Variants in VPS13B observed in about 807,000 individuals in gnomAD.
The protein encoded by VPS13B is vacuolar protein sorting 13 homolog B, also known as intermembrane lipid transfer protein VPS13B.
VPS13B carries 285 observed loss-of-function variants against 426.4 expected under a neutral mutation model. That is an observed-to-expected ratio of 0.67 (90% confidence interval 0.61 to 0.74). The LOEUF (loss-of-function observed/expected upper bound fraction) is 0.74, where lower values mean the gene tolerates loss of function less well. Ranked by LOEUF, VPS13B falls within the 30% of genes least tolerant of loss-of-function variation. The pLI, the probability that VPS13B is intolerant of heterozygous loss-of-function variation, is 0.00. For synonymous variants in VPS13B, 1,676 were observed against 1,676.4 expected (o/e 1.00, Z 0.01); for missense variants, 4,537 against 4,782.6 (o/e 0.95, Z 1.51).
intron 40 of VPS13B, among the ~76,000 whole-genome samples, chr8:99,775,687 C>T (rs1194551159): frequency 1.3e-5 from 2 of 152,090 alleles, no homozygotes; most frequent in Non-Finnish European, 2.9e-5. Flanking sequence ...CACTTGGGGT[C>T]AGGAGTTCAA....
rs182856616 is a variant in VPS13B at position 99,742,073 on chromosome 8, A to G, written c.7050+21026A>G. 5.6e-3 allele frequency among the ~76,000 whole-genome samples: 858 copies of G among 152,318 alleles called. 9 individuals are homozygous for G. Among genetic ancestry groups the G allele is most frequent in the African/African-American group, 0.017 (718 of 41,560 alleles). ...AAACGATCAACAAAATTGATAGACCACTAGCAAGACTAATAAAGAAGAAAA... is the reference window on the plus strand; with the variant it reads ...AAACGATCAACAAAATTGATAGACCGCTAGCAAGACTAATAAAGAAGAAAA... On this transcript the variant is annotated intron_variant, in intron 39 of 61. Transcript: ENST00000357162.
intron 21 of VPS13B, among the ~76,000 whole-genome samples, chr8:99,404,259 G>A (rs1815209591): frequency 6.6e-6 from 1 of 152,178 alleles, no homozygotes; most frequent in African/African-American, 2.4e-5. Flanking sequence ...ATAAGTGTAA[G>A]TTATTCTAGT....
chr8:99,763,135 C>CAAAAAAAAAAA lies in VPS13B; in HGVS notation c.7051-3619_7051-3609dup, dbSNP rs750289763. Among the ~76,000 whole-genome samples the CAAAAAAAAAAA allele has an allele frequency of 3.9e-4, 14 of 35,834 alleles. 1 individual carries two copies. Among genetic ancestry groups the CAAAAAAAAAAA allele is most frequent in the African/African-American group, 1.8e-3 (13 of 7,152 alleles). 23.5% of individuals were successfully genotyped at this position (35,834 alleles called of 152,430 possible). ...TGGGCAACAGAGTGAGACCTTGTCT[C>CAAAAAAAAAAA]AAAAAAAAAAAAAAAAAAAAAAAAA... On this transcript the variant is annotated intron_variant, in intron 39 of 61. Transcript: ENST00000357162.
chr8:99,302,933 G>A (rs1382591951), intron 19 of VPS13B, among the ~76,000 whole-genome samples: 2 of 152,144 alleles, frequency 1.3e-5, no homozygotes, highest in African/African-American at 2.4e-5. Context: ...ACCAACCTAA[G>A]TTGGGGACCA....
chr8:99,489,607 G>A (rs575931373), intron 25 of VPS13B, among the ~76,000 whole-genome samples: 3 of 152,220 alleles, frequency 2.0e-5, no homozygotes, highest in Admixed American at 6.5e-5. Flanking sequence ...TCTCATTGAA[G>A]AGGTCCTTCC....
chr8:99,315,791 C>A (rs1014711402), intron 19 of VPS13B, among the ~76,000 whole-genome samples: 4 of 152,090 alleles, frequency 2.6e-5, no homozygotes, highest in Admixed American at 2.6e-4. Flanking sequence ...CGCCTGCCAC[C>A]GCGCCCGGTT....
chr8:99,365,556 G>A (rs548164999), intron 19 of VPS13B, among the ~76,000 whole-genome samples: 4 of 122,280 alleles, frequency 3.3e-5, no homozygotes, highest in East Asian at 2.3e-4. Flanking sequence ...TCGCTCTGTC[G>A]CCCAGGCTGG....
chr8:99,158,478 A>C (rs1253593057), intron 15 of VPS13B, among the ~76,000 whole-genome samples: 1 of 152,188 alleles, frequency 6.6e-6, no homozygotes, highest in East Asian at 1.9e-4. Context: ...GGTTGCAATG[A>C]GCCAAGATCA....
chr8:99,466,063 C>A (rs1246677294), intron 23 of VPS13B, among the ~76,000 whole-genome samples: 2 of 151,990 alleles, frequency 1.3e-5, no homozygotes, highest in African/African-American at 2.4e-5. Flanking sequence ...TATGATCTAC[C>A]TAGTAATTCA....
Position 99,300,882 on chromosome 8 carries a change from T to G in VPS13B, c.2824+25628T>G, listed in dbSNP as rs201606615. On this transcript the variant is annotated intron_variant, in intron 19 of 61. Transcript: ENST00000357162. ...AAAAAATCAGATTATTTAATATAGT[T>G]TTTTTTTTTTTTTTTTTGGTAAACC... 8.4e-4 allele frequency among the ~76,000 whole-genome samples: 108 copies of G among 129,122 alleles called. 1 individual carries two copies. In the East Asian group the frequency reaches 0.023, roughly 27 times the overall value. The allele number at this position is 129,122 out of a possible 152,430, so 84.7% of individuals were successfully genotyped here.
intron 30 of VPS13B, among the ~76,000 whole-genome samples, chr8:99,528,815 A>G (rs1436747826): frequency 1.3e-5 from 2 of 152,146 alleles, no homozygotes; most frequent in East Asian, 1.9e-4. Flanking sequence ...TTTAGAAGTA[A>G]TAAAGAGAAT....
chr8:99,074,053 C>A (rs1232835457), intron 3 of VPS13B, among the ~76,000 whole-genome samples: 4 of 152,144 alleles, frequency 2.6e-5, no homozygotes, highest in East Asian at 1.9e-4. Context: ...CAGGTGTGAA[C>A]CACCATGCCC....
rs1210581488 is a variant in VPS13B, at chr8:99,875,961, T to C, written c.*295T>C. ...CTTACCTCTAAAAGATACTTCAAAG[T>C]GACAAAAACGTGTTCCTTCCCCACT... On this transcript the variant is annotated 3_prime_UTR_variant, in exon 62 of 62. Coordinates refer to ENST00000357162, the MANE Select transcript of VPS13B (RefSeq NM_152564.5). The C allele has an allele frequency of 4.7e-6, 2 of 426,048 alleles. No individual in the cohort carries two copies. Among genetic ancestry groups the C allele is most frequent in the East Asian group, 4.8e-5 (1 of 20,714 alleles). The allele number at this position is 426,048 out of a possible 1,614,324, so 26.4% of individuals were successfully genotyped here.
intron 15 of VPS13B, among the ~76,000 whole-genome samples, chr8:99,157,281 T>A (rs916681759): frequency 7.9e-5 from 12 of 152,096 alleles, no homozygotes; most frequent in African/African-American, 2.9e-4. Flanking sequence ...TGTGTTTTTT[T>A]TTTTTAACAA....
chr8:99,317,237 T>G (rs1809716501), intron 19 of VPS13B, among the ~76,000 whole-genome samples: 1 of 152,208 alleles, frequency 6.6e-6, no homozygotes, highest in South Asian at 2.1e-4. Context: ...GAACTTTAGA[T>G]AAAGTTTTTT....
chr8:99,352,974 A>C (rs949500157), intron 19 of VPS13B, among the ~76,000 whole-genome samples: 3 of 151,994 alleles, frequency 2.0e-5, no homozygotes, highest in Non-Finnish European at 4.4e-5. Context: ...AAACAAACAA[A>C]AAACTTATTA....
rs571094424 is a variant in VPS13B, at chr8:99,722,803, G to A, written c.7050+1756G>A. On this transcript the variant is annotated intron_variant, in intron 39 of 61. Transcript: ENST00000357162. ...ATTACAGGCGTGAGCCACCGTGCCC[G>A]GCCGAATTCTACTGTCTTATCAGAC... is the stretch of plus-strand genomic sequence containing the variant. 1.8e-4 allele frequency among the ~76,000 whole-genome samples: 27 copies of A among 152,146 alleles called. 1 individual carries two copies. The South Asian group carries it at 5.2e-3, about 29-fold the overall frequency.
intron 54 of VPS13B, among the ~76,000 whole-genome samples, chr8:99,845,923 T>C (rs1815960502): frequency 6.6e-6 from 1 of 152,186 alleles, no homozygotes; most frequent in South Asian, 2.1e-4. Flanking sequence ...CTGTGGAACA[T>C]AAAGCCCTTA....
chr8:99,686,821 G>A (rs4734435), intron 35 of VPS13B, among the ~76,000 whole-genome samples: 6,412 of 152,094 alleles, frequency 0.042, 167 homozygotes, highest in East Asian at 0.056. Flanking sequence ...CTGGAATTGG[G>A]AATCCCAAGA....
Sources: gnomAD v4.1 joint callset for allele counts (sites outside exome capture counted in the v4.1 genomes callset) on GRCh38, gnomAD v4.1.1 for gene constraint, MANE v1.5 for transcripts, NCBI Gene and HGNC (gene_info 2026-07-23, HGNC 2026-07-21) for gene names.